DOT1L: variants seen among roughly 807,000 people sequenced by gnomAD.
DOT1L encodes histone-lysine N-methyltransferase, H3 lysine-79 specific.
A neutral mutation model predicts 153.3 loss-of-function variants in DOT1L; 33 were observed. The ratio of observed to expected loss-of-function variants is 0.22; its 90% CI spans 0.16 to 0.29. The LOEUF (loss-of-function observed/expected upper bound fraction) is 0.29. Ranked by LOEUF, DOT1L falls within the 10% of genes least tolerant of loss-of-function variation. DOT1L has a pLI of 1.00. For missense variants in DOT1L, 1,847 were observed against 2,119.9 expected, an observed-to-expected ratio of 0.87 and a Z score of 2.53; for synonymous variants, 1,135 against 965.1, an observed-to-expected ratio of 1.18 and a Z score of -3.26.
rs1324630409 is a variant in DOT1L at position 2,216,708 on chromosome 19, A to G, written c.2351A>G (p.His784Arg). 9.4e-6 allele frequency: 15 copies of G among 1,601,830 alleles called. No homozygotes were observed. Among genetic ancestry groups the G allele is most frequent in the Non-Finnish European group, 1.3e-5 (15 of 1,179,596 alleles). The change falls in exon 20 of 28, where the codon CAC (histidine) becomes CGC (arginine). Residue 784 changes from histidine to arginine, a missense_variant. By Grantham distance (29) the His-to-Arg change is conservative. Transcript: ENST00000398665. ...CCGGCCAAGATTGTGCTGAGGCGGC[A>G]CCTGAGCCAGGACCACACGGTGCCC... Reference protein sequence around the residue: ...LSPAKIVLRRHLSQDHTVPGR... With the variant: ...LSPAKIVLRRRLSQDHTVPGR...
intron 26 of DOT1L, among the ~76,000 whole-genome samples, 169 bp downstream of exon 26, chr19:2,225,621 C>T (rs140193013): frequency 0.014 from 2,162 of 151,486 alleles, 48 homozygotes; most frequent in African/African-American, 0.049. Context: ...CCTGCGTGGG[C>T]GCCGACACTG....
In DOT1L at chr19:2,228,268, C is replaced by G. The variant is rs1157471711; in HGVS notation, c.4606+1141C>G. On this transcript the variant is annotated intron_variant, in intron 27 of 27. Coordinates refer to ENST00000398665, the MANE Select transcript of DOT1L (RefSeq NM_032482.3). Reference sequence around the variant, plus strand: ...CCCGGGATCCCACAGGCCAGCGCCACGGGGCCGTCCGCGGTGTGGGTGTCC... The same window carrying G: ...CCCGGGATCCCACAGGCCAGCGCCAGGGGGCCGTCCGCGGTGTGGGTGTCC... 7 of 1,359,478 alleles carry G rather than the reference C, an allele frequency of 5.1e-6. No individual in the cohort carries two copies. In the South Asian group the frequency reaches 8.0e-5, roughly 16 times the overall value. 84.2% of individuals were successfully genotyped at this position (1,359,478 alleles called of 1,614,324 possible). A position where few individuals can be genotyped will look rare whatever the true frequency, so the allele number is the denominator to read the frequency against.
intron 19 of DOT1L, 106 bp downstream of exon 19, chr19:2,214,702 G>A (rs2144856662): frequency 6.8e-7 from 1 of 1,472,602 alleles, no homozygotes; most frequent in Non-Finnish European, 9.1e-7. Context: ...AGCCTAGGAA[G>A]AAGGTGGAGG....
chr19:2,224,939 A>C (rs1186004972), intron 25 of DOT1L, among the ~76,000 whole-genome samples: 2 of 152,212 alleles, frequency 1.3e-5, no homozygotes, highest in Non-Finnish European at 2.9e-5. Context: ...ACATTGGATC[A>C]AAGCGACCCC....
chr19:2,223,448 C>T lies in DOT1L; in HGVS notation c.3558C>T (p.Asp1186=), dbSNP rs374451583. 4.7e-5 allele frequency: 76 copies of T among 1,612,948 alleles called. 3 individuals carry two copies. The South Asian group carries it at 6.3e-4, about 13-fold the overall frequency. Residue 1186 remains aspartate (D), a synonymous_variant, in exon 25 of 28, where the codon GAC becomes GAT. Coordinates refer to ENST00000398665, the MANE Select transcript of DOT1L (RefSeq NM_032482.3). The stretch of plus-strand genomic sequence containing the variant: ...CACACTACTCCCCACTCACCTCAGA[C>T]GAGGAGCCAGGCTCTGAGGACGAGC... ...NGAHYSPLTS[D]EEPGSEDEPS...
chr19:2,229,738 G>C lies in DOT1L; in HGVS notation c.4607-47G>C, dbSNP rs1240157599. On this transcript the variant is annotated intron_variant, in intron 27 of 27. Coordinates refer to ENST00000398665, the MANE Select transcript of DOT1L (RefSeq NM_032482.3). Reference sequence around the variant, plus strand: ...CTGGGTGAGTGTTGGGCTCCCCCAGGCGCGATGGTAACCTCAGGCCGCTCT... The same window carrying C: ...CTGGGTGAGTGTTGGGCTCCCCCAGCCGCGATGGTAACCTCAGGCCGCTCT... The C allele has an allele frequency of 6.8e-6, 11 of 1,612,140 alleles. No homozygotes were observed. In the South Asian group the frequency reaches 1.2e-4, roughly 18 times the overall value.
rs2023548234 is a variant in DOT1L at position 2,207,506 on chromosome 19, G to T, written c.857-68G>T. Reference sequence around the variant, plus strand: ...CTTCTGTCCCCACGCCTGCCCTGGGGTGGGTGAGGTCTGCATGGAGGGGCT... The same window carrying T: ...CTTCTGTCCCCACGCCTGCCCTGGGTTGGGTGAGGTCTGCATGGAGGGGCT... On this transcript the variant is annotated intron_variant, in intron 10 of 27. Transcript: ENST00000398665. The surrounding 1 kb of genome is among the most constrained non-coding windows in gnomAD (Gnocchi z 4.5). 3.7e-6 allele frequency: 5 copies of T among 1,363,094 alleles called. No homozygotes were observed. The highest frequency in any genetic ancestry group is 5.1e-6 in the Non-Finnish European group (5 of 985,712). The allele number at this position is 1,363,094 out of a possible 1,614,324, so 84.4% of individuals were successfully genotyped here.
At chr19:2,164,536 C>T (rs907236900) in intron 1 of DOT1L, 19 of 280,184 alleles carry the variant, frequency 6.8e-5, no homozygotes, top group Non-Finnish European at 1.0e-4. Context: ...CGGGCTGTCC[C>T]GGGCGCGGAA....
At position 2,197,378 on chromosome 19, in the gene DOT1L, T is replaced by G. The variant is rs2023066724; in HGVS notation, c.652-2506T>G. ...GCCACACAGATCCCAGCACAGAGGA[T>G]GGAAGCCCTCGCCATGGTTCCCAGC... is the stretch of plus-strand genomic sequence containing the variant. On this transcript the variant is annotated intron_variant, in intron 7 of 27. Coordinates refer to ENST00000398665, the MANE Select transcript of DOT1L (RefSeq NM_032482.3). The surrounding 1 kb of genome is among the most constrained non-coding windows in gnomAD (Gnocchi z 4.1). 6.6e-6 allele frequency among the ~76,000 whole-genome samples: 1 copy of G among 152,198 alleles called. No homozygotes were observed. Among genetic ancestry groups the G allele is most frequent in the East Asian group, 1.9e-4 (1 of 5,198 alleles).
At chr19:2,213,741 T>C (rs1440134594) in intron 17 of DOT1L, 101 bp downstream of exon 17, 3 of 1,600,968 alleles carry the variant, frequency 1.9e-6, no homozygotes, top group Admixed American at 1.7e-5. Flanking sequence ...TGTCTATGCC[T>C]CTGTCCAGCT....
intron 2 of DOT1L, among the ~76,000 whole-genome samples, chr19:2,182,229 A>AAAAT (rs374381549): frequency 3.8e-4 from 58 of 152,024 alleles, no homozygotes; most frequent in South Asian, 1.9e-3. Flanking sequence ...CTCCATCTCA[A>AAAAT]AAATAAATAA....
intron 25 of DOT1L, 74 bp downstream of exon 25, chr19:2,223,560 G>GT: frequency 1.0e-4 from 31 of 308,020 alleles, no homozygotes; most frequent in East Asian, 3.1e-4. Context: ...GTGTGTGTGT[G>GT]GGTGGGTGGG....
chr19:2,179,823 C>G lies in DOT1L; in HGVS notation c.82-890C>G, dbSNP rs559991958. Among the ~76,000 whole-genome samples, 32 of 152,328 alleles carry G rather than the reference C, an allele frequency of 2.1e-4. No homozygotes were observed. The South Asian group carries it at 6.6e-3, about 32-fold the overall frequency. On this transcript the variant is annotated intron_variant, in intron 1 of 27. Coordinates refer to ENST00000398665, the MANE Select transcript of DOT1L (RefSeq NM_032482.3). ...AACAAACAGAAAAAAGACATGGGCT[C>G]TCGCTGTTTCCCAGGCTGGCCTCGA...
At chr19:2,178,960 G>C (rs999107521) in intron 1 of DOT1L, among the ~76,000 whole-genome samples, 1 of 152,218 alleles carries the variant, frequency 6.6e-6, no homozygotes, top group Non-Finnish European at 1.5e-5. Flanking sequence ...CGAACCAGGA[G>C]GTGGACGGAG....
intron 16 of DOT1L, 171 bp downstream of exon 16, chr19:2,212,013 A>G: frequency 3.2e-6 from 2 of 617,430 alleles, no homozygotes; most frequent in Non-Finnish European, 5.5e-6. Flanking sequence ...CAAAGAATGG[A>G]CTGAGAGACC....
At chr19:2,211,303 C>A in intron 15 of DOT1L, 91 bp downstream of exon 15, 1 of 1,144,538 alleles carries the variant, frequency 8.7e-7, no homozygotes, top group Non-Finnish European at 1.2e-6. Flanking sequence ...CGCAGCAGCC[C>A]CCGTGACCTC....
intron 1 of DOT1L, among the ~76,000 whole-genome samples, chr19:2,175,130 C>A (rs538218729): frequency 1.1e-3 from 169 of 151,978 alleles, no homozygotes; most frequent in African/African-American, 3.8e-3. Context: ...TCCCAAGTAG[C>A]TGGGACTACA....
intron 22 of DOT1L, among the ~76,000 whole-genome samples, chr19:2,218,369 A>G (rs1025883120): frequency 3.9e-5 from 6 of 152,212 alleles, no homozygotes; most frequent in African/African-American, 1.4e-4. Flanking sequence ...TATATGCTTC[A>G]GTGGTTTTTA....
rs749084785 is a variant in DOT1L, at chr19:2,227,135, G to A, written c.4606+8G>A. On this transcript the variant is annotated splice_region_variant and intron_variant, in intron 27 of 27. Coordinates refer to ENST00000398665, the MANE Select transcript of DOT1L (RefSeq NM_032482.3). ...CAGGCGGCACAGTTGGAGGTAGGCA[G>A]GGCGGCCGTCCGTCCGCCCCCCGCC... 169 of 1,556,590 alleles carry A rather than the reference G, an allele frequency of 1.1e-4. No individual in the cohort carries two copies. The highest frequency in any genetic ancestry group is 1.4e-4 in the Non-Finnish European group (165 of 1,161,442).
Sources: allele counts gnomAD v4.1 joint callset (sites outside exome capture counted in the v4.1 genomes callset), GRCh38; gene constraint gnomAD v4.1.1; non-coding constraint Gnocchi (gnomAD v3.1); transcripts MANE v1.5; gene names NCBI Gene and HGNC (gene_info 2026-07-23, HGNC 2026-07-21).